The following UGT1A7 variants were observed in gnomAD, a reference collection of about 807,000 sequenced individuals.
UGT1A7 encodes the protein UDP-glucuronosyltransferase 1A7.
In UGT1A7, 33 loss-of-function variants were observed where a neutral mutation model predicts 45.6. The observed-to-expected ratio is 0.72, with a 90% CI of 0.55 to 0.97. UGT1A7 has a LOEUF of 0.97. Among genes scored for constraint, UGT1A7 ranks in the 50% least tolerant of loss-of-function variants. UGT1A7 has a pLI of 0.00. For missense variants in UGT1A7, 684 were observed against 666.2 expected (o/e 1.03, Z -0.29); for synonymous variants, 274 against 250.6 (o/e 1.09, Z -0.88).
rs755218546 is a variant in UGT1A7 at position 233,767,936 on chromosome 2, G to A, written c.1075G>A (p.Gly359Ser). The A allele has an allele frequency of 2.4e-5, 38 of 1,614,052 alleles. No homozygotes were observed. In the South Asian group the frequency reaches 4.2e-4, roughly 18 times the overall value. Residue 359 changes from glycine (G) to serine (S), a missense_variant and splice_region_variant, in exon 3 of 5, where the codon GGT becomes AGT. Coordinates refer to ENST00000373426, the MANE Select transcript of UGT1A7 (RefSeq NM_019077.3). ...GTGGCTACCCCAAAACGATCTGCTT[G>A]GTATGTTGGGCGGATTGGATGTATA... ...VKWLPQNDLL[G>S]HPMTRAFITH...
At chr2:233,698,156 C>T (rs1023372379) in intron 1 of UGT1A7, among the ~76,000 whole-genome samples, 1 of 152,042 alleles carries the variant, frequency 6.6e-6, no homozygotes, top group African/African-American at 2.4e-5. Context: ...CCCAGCATGT[C>T]GTCCTAGAGA....
intron 1 of UGT1A7, chr2:233,744,001 A>C (rs2125858946): frequency 2.5e-6 from 3 of 1,207,932 alleles, no homozygotes; most frequent in Admixed American, 2.6e-5. Context: ...GAGTGCTCGG[A>C]GACCTGGGCC....
intron 1 of UGT1A7, among the ~76,000 whole-genome samples, chr2:233,725,404 A>G (rs1338986441): frequency 1.3e-5 from 2 of 151,736 alleles, no homozygotes; most frequent in African/African-American, 4.9e-5. Flanking sequence ...TTGATGGTCT[A>G]ATACAGAATT....
chr2:233,690,776 TACACAC>T lies in UGT1A7; in HGVS notation c.855+8003_855+8008del, dbSNP rs34459843. 2.6e-3 allele frequency: 2,717 copies of T among 1,027,408 alleles called. 10 individuals carry two copies. Among genetic ancestry groups the T allele is most frequent in the African/African-American group, 0.014 (800 of 58,378 alleles). The allele number at this position is 1,027,408 out of a possible 1,614,324, so 63.6% of individuals were successfully genotyped here. ...GTGCAGACATACACACACACACACA[TACACAC>T]ACACACACACACACACACCATTCTT... is the stretch of plus-strand genomic sequence containing the variant. On this transcript the variant is annotated intron_variant, in intron 1 of 4. Transcript: ENST00000373426.
intron 1 of UGT1A7, among the ~76,000 whole-genome samples, chr2:233,705,018 C>A (rs1470386636): frequency 6.6e-6 from 1 of 151,992 alleles, no homozygotes. Flanking sequence ...CGCCTGTAAT[C>A]CCAGCTACTC....
chr2:233,693,069 G>T, intron 1 of UGT1A7: 2 of 1,614,148 alleles, frequency 1.2e-6, no homozygotes, highest in Middle Eastern at 1.6e-4. Context: ...GCACTTTGGG[G>T]CATGGTTGTA....
At chr2:233,692,803 T>C (rs776646803) in intron 1 of UGT1A7, 33 of 1,389,660 alleles carry the variant, frequency 2.4e-5, no homozygotes, top group Non-Finnish European at 2.5e-5. Flanking sequence ...GACACGGCCA[T>C]AGTTGGTTCA....
intron 1 of UGT1A7, among the ~76,000 whole-genome samples, chr2:233,716,003 G>A (rs1213854851): frequency 6.6e-6 from 1 of 152,118 alleles, no homozygotes; most frequent in African/African-American, 2.4e-5. Context: ...AACCCAAAAT[G>A]ACTTTAATCT....
chr2:233,751,261 C>T (rs1694682107), intron 1 of UGT1A7, among the ~76,000 whole-genome samples: 1 of 151,890 alleles, frequency 6.6e-6, no homozygotes, highest in South Asian at 2.1e-4. Flanking sequence ...GGCCTGTAGC[C>T]CCCTTTTTTT....
At chr2:233,760,734 G>C (rs1458334680) in intron 1 of UGT1A7, 2 of 1,614,080 alleles carry the variant, frequency 1.2e-6, no homozygotes, top group Non-Finnish European at 1.7e-6. Context: ...ATGTCATGCT[G>C]ACGGACCCTT....
intron 1 of UGT1A7, among the ~76,000 whole-genome samples, chr2:233,710,119 C>A (rs1015983939): frequency 1.3e-5 from 2 of 152,178 alleles, no homozygotes; most frequent in Non-Finnish European, 1.5e-5. Flanking sequence ...GTTTCTATTT[C>A]CGAGTAGCAT....
intron 1 of UGT1A7, chr2:233,690,985 T>A: frequency 2.0e-6 from 2 of 995,592 alleles, no homozygotes; most frequent in Non-Finnish European, 2.4e-6. Flanking sequence ...GACCCACATA[T>A]GAGCAACAGG....
Position 233,769,204 on chromosome 2 carries a change from CA to C in UGT1A7, c.1295+766del, listed in dbSNP as rs1195031897. 1.3e-5 allele frequency among the ~76,000 whole-genome samples: 2 copies of C among 152,164 alleles called. No individual in the cohort carries two copies. The highest frequency in any genetic ancestry group is 4.8e-5 in the African/African-American group (2 of 41,440). ...TGAATGAAGGAGCTATAAGATATCA[CA>C]GACAAAGTCTTAGAATAAGAGCAAA... On this transcript the variant is annotated intron_variant, in intron 4 of 4. Transcript: ENST00000373426. This position sits in a 1 kb window ranked among gnomAD's most constrained non-coding sequence, Gnocchi z 4.4.
chr2:233,750,583 G>C (rs1175695662), intron 1 of UGT1A7: 1 of 151,928 alleles, frequency 6.6e-6, no homozygotes, highest in Non-Finnish European at 1.5e-5. Context: ...TCACAGGCCT[G>C]GAGGCCTAGG....
intron 1 of UGT1A7, among the ~76,000 whole-genome samples, chr2:233,705,440 G>C (rs72986482): frequency 6.6e-6 from 1 of 152,136 alleles, no homozygotes; most frequent in Admixed American, 6.5e-5. Flanking sequence ...TTATCCTTCA[G>C]AATTGCACAT....
intron 1 of UGT1A7, chr2:233,721,745 AATCTAC>A: frequency 2.3e-6 from 1 of 440,284 alleles, no homozygotes; most frequent in Non-Finnish European, 4.5e-6. Flanking sequence ...ATGATGAGAG[AATCTAC>A]ATCTAAATTG....
intron 1 of UGT1A7, among the ~76,000 whole-genome samples, chr2:233,701,182 A>G (rs1030234250): frequency 6.6e-6 from 1 of 152,142 alleles, no homozygotes. Context: ...ATAAACATAC[A>G]TGTGCATGTG....
Position 233,747,263 on chromosome 2 carries a change from T to G in UGT1A7, c.856-19771T>G, listed in dbSNP as rs1693601928. 9 of 1,599,140 alleles carry G rather than the reference T, an allele frequency of 5.6e-6. 1 individual carries two copies. The highest frequency in any genetic ancestry group is 3.6e-4 in the Middle Eastern group (2 of 5,530). ...CTGCTGTGGCTGGCCACAGGAGTGCTACTCCTTCTCAGTGCCCAGCCCTGG... is the reference window on the plus strand; with the variant it reads ...CTGCTGTGGCTGGCCACAGGAGTGCGACTCCTTCTCAGTGCCCAGCCCTGG... On this transcript the variant is annotated intron_variant, in intron 1 of 4. Coordinates refer to ENST00000373426, the MANE Select transcript of UGT1A7 (RefSeq NM_019077.3).
intron 1 of UGT1A7, among the ~76,000 whole-genome samples, chr2:233,748,980 T>C (rs957360151): frequency 2.4e-4 from 36 of 151,710 alleles, no homozygotes; most frequent in African/African-American, 7.6e-4. Context: ...GATCTACTTC[T>C]TTACCAACAA....
Sources: gnomAD v4.1 joint callset for allele counts (sites outside exome capture counted in the v4.1 genomes callset) on GRCh38, gnomAD v4.1.1 for gene constraint, Gnocchi (gnomAD v3.1) non-coding constraint, MANE v1.5 for transcripts, NCBI Gene and HGNC (gene_info 2026-07-23, HGNC 2026-07-21) for gene names.